The following GLDC variants were observed in gnomAD, a reference collection of about 807,000 sequenced individuals.
The protein encoded by GLDC is glycine dehydrogenase (decarboxylating), mitochondrial.
Under a neutral mutation model 121.3 loss-of-function variants are expected in GLDC, and 104 were observed. That is an observed-to-expected ratio of 0.86 (90% CI 0.73 to 1.01). The LOEUF is 1.01. GLDC is among the 50% of genes least tolerant of loss of function. The probability of loss-of-function intolerance (pLI) is 0.00; values close to 1 mark genes in which losing one functional copy is unlikely to be tolerated. For synonymous variants in GLDC, 546 were observed against 480.6 expected (o/e 1.14, Z -1.78); for missense variants, 1,429 against 1,306.6 (o/e 1.09, Z -1.44).
intron 2 of GLDC, among the ~76,000 whole-genome samples, chr9:6,642,506 G>A (rs978287809): frequency 1.3e-5 from 2 of 151,920 alleles, no homozygotes; most frequent in African/African-American, 4.8e-5. Context: ...ACTCCAGCCT[G>A]GGCAACAGAA....
chr9:6,556,444 C>T, intron 17 of GLDC, 142 bp from the exon 18 acceptor site: 1 of 688,428 alleles, frequency 1.5e-6, no homozygotes, highest in Non-Finnish European at 2.6e-6. Flanking sequence ...AGTACAATGA[C>T]AGCAATAAAA....
intron 15 of GLDC, among the ~76,000 whole-genome samples, chr9:6,581,068 G>A (rs2129810960): frequency 6.6e-6 from 1 of 152,298 alleles, no homozygotes; most frequent in African/African-American, 2.4e-5. Flanking sequence ...CACGTTCTTG[G>A]TTGAAAGACA....
At chr9:6,570,151 T>C (rs75486925) in intron 15 of GLDC, among the ~76,000 whole-genome samples, 1,970 of 152,304 alleles carry the variant, frequency 0.013, 27 homozygotes, top group African/African-American at 0.045. Flanking sequence ...ACTAAAGTAA[T>C]AATTTATGGT....
At chr9:6,635,773 G>A (rs1819488443) in intron 2 of GLDC, among the ~76,000 whole-genome samples, 1 of 152,080 alleles carries the variant, frequency 6.6e-6, no homozygotes, top group South Asian at 2.1e-4. Context: ...TACTTGGAAG[G>A]CTGAGGTGAC....
intron 21 of GLDC, among the ~76,000 whole-genome samples, chr9:6,549,400 G>C (rs916629251): frequency 1.3e-5 from 2 of 152,276 alleles, no homozygotes; most frequent in Admixed American, 1.3e-4. Flanking sequence ...CAGGGAGGAG[G>C]TGGAGCCACA....
At chr9:6,630,657 C>T (rs1819357139) in intron 2 of GLDC, among the ~76,000 whole-genome samples, 2 of 152,118 alleles carry the variant, frequency 1.3e-5, no homozygotes, top group Non-Finnish European at 2.9e-5. Context: ...TTGTTCTTGC[C>T]AACATCCTAA....
chr9:6,563,598 T>C (rs1817798667), intron 16 of GLDC, among the ~76,000 whole-genome samples: 1 of 152,166 alleles, frequency 6.6e-6, no homozygotes, highest in South Asian at 2.1e-4. Flanking sequence ...CTCCAAAGTT[T>C]CCTTTCTGAT....
chr9:6,589,600 G>GT (rs1387739854), intron 11 of GLDC, among the ~76,000 whole-genome samples: 1 of 151,924 alleles, frequency 6.6e-6, no homozygotes, highest in African/African-American at 2.4e-5. Flanking sequence ...GCTGATTTTT[G>GT]TATTTTTCTA....
chr9:6,568,316 T>C (rs1168934064), intron 15 of GLDC, among the ~76,000 whole-genome samples: 1 of 152,200 alleles, frequency 6.6e-6, no homozygotes, highest in African/African-American at 2.4e-5. Context: ...GTAAAACAAA[T>C]TGTTAGTGCC....
intron 17 of GLDC, 182 bp downstream of exon 17, chr9:6,558,377 T>C: frequency 2.7e-6 from 2 of 742,688 alleles, no homozygotes; most frequent in Admixed American, 3.9e-5. Context: ...AAGCTGGAAT[T>C]AGAAAACGGG....
At position 6,607,545 on chromosome 9, in the gene GLDC, G is replaced by T. The variant is rs12006559; in HGVS notation, c.636-876C>A. Among the ~76,000 whole-genome samples, 133 of 152,174 alleles carry T rather than the reference G, an allele frequency of 8.7e-4. 1 individual carries two copies. Among genetic ancestry groups the T allele is most frequent in the Middle Eastern group, 6.8e-3 (2 of 294 alleles). On this transcript the variant is annotated intron_variant, in intron 4 of 24. Transcript: ENST00000321612. ...TGCAGTGAGCCAAGATCGCCTCACT[G>T]CACTCCAGCCTAGGCCACAGAGCGA...
intron 23 of GLDC, among the ~76,000 whole-genome samples, chr9:6,535,712 T>A (rs999066355): frequency 6.6e-6 from 1 of 152,214 alleles, no homozygotes; most frequent in African/African-American, 2.4e-5. Flanking sequence ...TTCTCAGAGA[T>A]AACTGCTCTA....
Position 6,639,668 on chromosome 9 carries a change from A to AAAAAAAATATATATATAT in GLDC, c.334+4945_334+4946insATATATATATATTTTTTT. 687 of 250,336 alleles carry AAAAAAAATATATATATAT rather than the reference A, an allele frequency of 2.7e-3. 8 individuals carry two copies. Among genetic ancestry groups the AAAAAAAATATATATATAT allele is most frequent in the African/African-American group, 0.014 (260 of 19,220 alleles). 15.5% of individuals were successfully genotyped at this position (250,336 alleles called of 1,614,324 possible). A position where few individuals can be genotyped will look rare whatever the true frequency, so the allele number is the denominator to read the frequency against. On this transcript the variant is annotated intron_variant, in intron 2 of 24. Transcript: ENST00000321612. ...ATATATCTTTTCACCATAAAAAAAA[A>AAAAAAAATATATATATAT]GTATATATATATATATATATGGACA...
At chr9:6,571,817 A>T (rs547018385) in intron 15 of GLDC, among the ~76,000 whole-genome samples, 4 of 152,348 alleles carry the variant, frequency 2.6e-5, no homozygotes, top group Non-Finnish European at 5.9e-5. Flanking sequence ...ACTATCATAT[A>T]TAGCTACAAT....
chr9:6,534,933 T>C (rs1020040389), intron 23 of GLDC, 145 bp from the exon 24 acceptor site: 18 of 670,828 alleles, frequency 2.7e-5, no homozygotes, highest in African/African-American at 2.0e-4. Flanking sequence ...TACAATGTGA[T>C]TTATAATTGT....
At chr9:6,642,644 G>T (rs1819652085) in intron 2 of GLDC, among the ~76,000 whole-genome samples, 1 of 152,164 alleles carries the variant, frequency 6.6e-6, no homozygotes, top group African/African-American at 2.4e-5. Context: ...AAATTATTCA[G>T]CTGGAACCAA....
At chr9:6,611,417 G>C (rs142037972) in intron 3 of GLDC, among the ~76,000 whole-genome samples, 2 of 152,156 alleles carry the variant, frequency 1.3e-5, no homozygotes, top group African/African-American at 2.4e-5. Context: ...TTAGCCAGGC[G>C]TGGTGGCACG....
At chr9:6,558,315 T>C in intron 17 of GLDC, 1 of 616,324 alleles carries the variant, frequency 1.6e-6, no homozygotes. Context: ...AGGCAGGTTC[T>C]GCAAGGAGTA....
At chr9:6,629,958 T>TGTGTG in intron 2 of GLDC, among the ~76,000 whole-genome samples, 1 of 78,658 alleles carries the variant, frequency 1.3e-5, no homozygotes, top group Middle Eastern at 5.6e-3. Context: ...TATATATATA[T>TGTGTG]TTTTTTTTTT....
Sources: allele counts gnomAD v4.1 joint callset (sites outside exome capture counted in the v4.1 genomes callset), GRCh38; gene constraint gnomAD v4.1.1; transcripts MANE v1.5; gene names NCBI Gene and HGNC (gene_info 2026-07-23, HGNC 2026-07-21).